Variants in CRCP observed in about 807,000 individuals in gnomAD.
The protein encoded by CRCP is CGRP receptor component.
In CRCP, 18 loss-of-function variants were observed where a neutral mutation model predicts 18.5. The ratio of observed to expected loss-of-function variants is 0.97; its 90% CI spans 0.67 to 1.44. CRCP has a LOEUF of 1.44. Ranked by LOEUF, CRCP falls within the 40% of genes most tolerant of loss-of-function variation. The pLI, the probability that CRCP is intolerant of heterozygous loss-of-function variation, is 0.00. For synonymous variants in CRCP, 53 were observed against 62.9 expected (o/e 0.84, Z 0.75); for missense variants, 130 against 176.4 (o/e 0.74, Z 1.49).
Position 66,127,749 on chromosome 7 carries a change from G to T in CRCP, c.45+9G>T. 3 of 1,613,722 alleles carry T rather than the reference G, an allele frequency of 1.9e-6. No homozygotes were observed. The highest frequency in any genetic ancestry group is 2.5e-6 in the Non-Finnish European group (3 of 1,179,706). On this transcript the variant is annotated intron_variant, in intron 2 of 5. Coordinates refer to ENST00000395326, the MANE Select transcript of CRCP (RefSeq NM_014478.5). The stretch of plus-strand genomic sequence containing the variant: ...TTCTCAGTAACTACGAGGTAAATTG[G>T]ATTGTTACATTTTCCTCTCTGATAG...
chr7:66,134,481 G>T, intron 4 of CRCP, 107 bp downstream of exon 4: 1 of 784,634 alleles, frequency 1.3e-6, no homozygotes, highest in Non-Finnish European at 2.1e-6. Flanking sequence ...ATTTAAAGAA[G>T]GATTATAGTA....
At chr7:66,133,097 G>A (rs1376098042) in intron 3 of CRCP, among the ~76,000 whole-genome samples, 3 of 152,074 alleles carry the variant, frequency 2.0e-5, no homozygotes, top group Non-Finnish European at 4.4e-5. Flanking sequence ...TTGCGGCTAG[G>A]AAAACAGCCT....
chr7:66,149,051 C>G (rs1788380697), intron 5 of CRCP, among the ~76,000 whole-genome samples: 1 of 152,194 alleles, frequency 6.6e-6, no homozygotes, highest in Admixed American at 6.5e-5. Context: ...CGGTTTGATG[C>G]TCCTGGGATT....
intron 1 of CRCP, among the ~76,000 whole-genome samples, chr7:66,124,070 A>G (rs1787540789): frequency 1.5e-5 from 2 of 137,368 alleles, no homozygotes; most frequent in African/African-American, 5.4e-5. Flanking sequence ...AAAAAAAAAA[A>G]AAAAAAAAAA....
intron 5 of CRCP, among the ~76,000 whole-genome samples, chr7:66,151,771 T>A (rs1481790439): frequency 7.3e-6 from 1 of 137,216 alleles, no homozygotes; most frequent in Non-Finnish European, 1.6e-5. Context: ...TTTTTTTTTT[T>A]AGACAAAGTC....
intron 1 of CRCP, among the ~76,000 whole-genome samples, chr7:66,121,150 C>G (rs1209175578): frequency 1.3e-5 from 2 of 151,740 alleles, no homozygotes; most frequent in African/African-American, 4.8e-5. Flanking sequence ...TCTCGGCTGA[C>G]TGCAACCTCC....
In CRCP at chr7:66,152,084, G is replaced by C. The variant is rs113324236; in HGVS notation, c.298-124G>C. 3.0e-3 allele frequency: 3,171 copies of C among 1,041,390 alleles called. 11 individuals are homozygous for C. Among genetic ancestry groups the C allele is most frequent in the Non-Finnish European group, 3.9e-3 (2,740 of 710,884 alleles). The allele number at this position is 1,041,390 out of a possible 1,614,324, so 64.5% of individuals were successfully genotyped here. On this transcript the variant is annotated intron_variant, in intron 5 of 5. Coordinates refer to ENST00000395326, the MANE Select transcript of CRCP (RefSeq NM_014478.5). ...CGTCTGTAAGATGGAGAGGACTCAC[G>C]AGGACCCAGGCTGTGAGGTCTGTGT...
At chr7:66,129,363 A>G (rs945139821) in intron 2 of CRCP, among the ~76,000 whole-genome samples, 1 of 152,118 alleles carries the variant, frequency 6.6e-6, no homozygotes, top group South Asian at 2.1e-4. Context: ...TTAGCTGGAC[A>G]TGGTAGCAAA....
intron 3 of CRCP, among the ~76,000 whole-genome samples, chr7:66,133,858 CTTTT>C (rs751345422): frequency 3.1e-5 from 3 of 96,718 alleles, no homozygotes; most frequent in Admixed American, 1.2e-4. Flanking sequence ...TTTTTGTTTT[CTTTT>C]TTTTTTTTTT....
chr7:66,128,665 C>T (rs1407184561), intron 2 of CRCP: 2 of 152,018 alleles, frequency 1.3e-5, no homozygotes, highest in Non-Finnish European at 2.9e-5. Context: ...AGTTGACTCA[C>T]CTTTCTGAAT....
At chr7:66,131,434 A>G (rs1310201747) in intron 3 of CRCP, among the ~76,000 whole-genome samples, 1 of 152,160 alleles carries the variant, frequency 6.6e-6, no homozygotes, top group Non-Finnish European at 1.5e-5. Flanking sequence ...TCCTAGGCTC[A>G]GGTGATGCTC....
At chr7:66,116,488 TAA>T (rs34037462) in intron 1 of CRCP, among the ~76,000 whole-genome samples, 2,541 of 135,120 alleles carry the variant, frequency 0.019, 44 homozygotes, top group African/African-American at 0.055. Context: ...GGCTCTGTCT[TAA>T]AAAAAAAAAA....
intron 1 of CRCP, among the ~76,000 whole-genome samples, chr7:66,120,377 T>C (rs547799131): frequency 9.9e-5 from 15 of 152,282 alleles, no homozygotes; most frequent in African/African-American, 3.6e-4. Context: ...CACGGGGTTT[T>C]GTTCTTGTAA....
intron 4 of CRCP, among the ~76,000 whole-genome samples, chr7:66,141,638 G>A (rs1381907952): frequency 1.3e-5 from 2 of 152,152 alleles, no homozygotes; most frequent in Non-Finnish European, 2.9e-5. Flanking sequence ...TGGAAGCCCC[G>A]AGGGCAGGCA....
rs2116070379 is a variant in CRCP at position 66,152,428 on chromosome 7, ATTGT to A, written c.*74_*77del. On this transcript the variant is annotated 3_prime_UTR_variant, in exon 6 of 6. Transcript: ENST00000395326. ...CAGCCATTTCCTGGACGTTGAGAGG[ATTGT>A]TTATTTGATTTTTATCCTCATCCCA... The A allele has an allele frequency of 6.4e-7, 1 of 1,553,926 alleles. No individual in the cohort carries two copies. The highest frequency in any genetic ancestry group is 2.3e-5 in the East Asian group (1 of 43,726).
chr7:66,130,170 A>G (rs1206287486), intron 2 of CRCP: 2 of 237,192 alleles, frequency 8.4e-6, no homozygotes, highest in Non-Finnish European at 1.5e-5. Flanking sequence ...CAGTGGCACC[A>G]TCCAGGCTCA....
chr7:66,128,102 A>G, intron 2 of CRCP, among the ~76,000 whole-genome samples: 2 of 143,924 alleles, frequency 1.4e-5, no homozygotes, highest in Admixed American at 7.3e-5. Context: ...GCAATAGACC[A>G]AGGCTCTGTC....
At chr7:66,122,764 G>T (rs551866900) in intron 1 of CRCP, among the ~76,000 whole-genome samples, 3 of 152,088 alleles carry the variant, frequency 2.0e-5, no homozygotes, top group Non-Finnish European at 4.4e-5. Flanking sequence ...GGATCAAGGT[G>T]TAGCAGGTTT....
At chr7:66,118,886 C>A (rs1242535718) in intron 1 of CRCP, among the ~76,000 whole-genome samples, 1 of 152,218 alleles carries the variant, frequency 6.6e-6, no homozygotes, top group Non-Finnish European at 1.5e-5. Flanking sequence ...AGGTGAAAGA[C>A]AGTCTTTTGT....
Sources: gnomAD v4.1 joint callset for allele counts (sites outside exome capture counted in the v4.1 genomes callset) on GRCh38, gnomAD v4.1.1 for gene constraint, MANE v1.5 for transcripts, NCBI Gene and HGNC (gene_info 2026-07-23, HGNC 2026-07-21) for gene names.